The following NEO1 variants were observed in gnomAD, a reference collection of about 807,000 sequenced individuals.
NEO1 encodes the protein neogenin 1.
NEO1 carries 63 observed loss-of-function variants against 159.7 expected under a neutral mutation model. The observed-to-expected ratio is 0.39, with a 90% CI of 0.32 to 0.49. The LOEUF (loss-of-function observed/expected upper bound fraction) is 0.49. NEO1 is among the 20% of genes least tolerant of loss of function. The pLI is 0.85. For synonymous variants in NEO1, 633 were observed against 662.0 expected (o/e 0.96, Z 0.67); for missense variants, 1,615 against 1,831.0 (o/e 0.88, Z 2.15).
chr15:73,166,120 C>T (rs1467547366), intron 5 of NEO1, among the ~76,000 whole-genome samples: 1 of 152,154 alleles, frequency 6.6e-6, no homozygotes, highest in Non-Finnish European at 1.5e-5. Flanking sequence ...GCCTACCTTA[C>T]CGGTTTCTTC....
chr15:73,279,350 G>GTTTTTTTTTTT (rs1567679061), intron 22 of NEO1, among the ~76,000 whole-genome samples: 1 of 58,138 alleles, frequency 1.7e-5, no homozygotes, highest in African/African-American at 3.6e-5. Flanking sequence ...TTTTGGTTTT[G>GTTTTTTTTTTT]GTTTTTTTTT....
intron 1 of NEO1, among the ~76,000 whole-genome samples, chr15:73,076,469 A>G (rs2068770865): frequency 6.6e-6 from 1 of 152,178 alleles, no homozygotes. Context: ...CTATTTTTCC[A>G]GTGCCTAGAA....
intron 1 of NEO1, among the ~76,000 whole-genome samples, chr15:73,090,159 A>G (rs2069603266): frequency 6.6e-6 from 1 of 152,198 alleles, no homozygotes. Context: ...GAGAGAAACA[A>G]GTTGCATAAC....
chr15:73,290,198 A>G (rs2042107425), intron 25 of NEO1, among the ~76,000 whole-genome samples: 1 of 150,788 alleles, frequency 6.6e-6, no homozygotes, highest in African/African-American at 2.4e-5. Context: ...TATATTTTAG[A>G]ATAGCTTTAG....
At chr15:73,100,537 G>T (rs761036988) in intron 1 of NEO1, among the ~76,000 whole-genome samples, 2 of 152,024 alleles carry the variant, frequency 1.3e-5, no homozygotes, top group Non-Finnish European at 2.9e-5. Context: ...GTTTCGGCAT[G>T]TTGGCCAGGC....
chr15:73,101,413 G>A lies in NEO1; in HGVS notation c.131-15127G>A, dbSNP rs193139573. ...AGTATGCACGCTCTCACGCGCACGC[G>A]TGCGCACACACGCTCTCTTTCCCAC... On this transcript the variant is annotated intron_variant, in intron 1 of 28. Transcript: ENST00000261908. Among the ~76,000 whole-genome samples, 263 of 152,268 alleles carry A rather than the reference G, an allele frequency of 1.7e-3. 1 individual carries two copies. The highest frequency in any genetic ancestry group is 5.9e-3 in the African/African-American group (246 of 41,556).
intron 5 of NEO1, among the ~76,000 whole-genome samples, chr15:73,155,173 T>A (rs1250312169): frequency 6.6e-6 from 1 of 152,130 alleles, no homozygotes; most frequent in Non-Finnish European, 1.5e-5. Context: ...CATTTATGAA[T>A]CTTAATCTTG....
chr15:73,171,833 G>T (rs1261079948), intron 5 of NEO1, among the ~76,000 whole-genome samples: 2 of 151,814 alleles, frequency 1.3e-5, no homozygotes, highest in Non-Finnish European at 2.9e-5. Context: ...ATAGAGACGG[G>T]TTTTTGCCAA....
intron 15 of NEO1, 59 bp downstream of exon 15, chr15:73,260,524 T>C: frequency 4.4e-6 from 6 of 1,364,964 alleles, no homozygotes; most frequent in Non-Finnish European, 1.9e-6. Flanking sequence ...TTTTAACCTT[T>C]TATGTAATAT....
chr15:73,061,701 C>T (rs368273761), intron 1 of NEO1, among the ~76,000 whole-genome samples: 1 of 152,188 alleles, frequency 6.6e-6, no homozygotes, highest in African/African-American at 2.4e-5. Flanking sequence ...CACTCCAACC[C>T]TTCTTCCCAG....
chr15:73,183,667 G>A (rs1408956228), intron 7 of NEO1, among the ~76,000 whole-genome samples: 1 of 152,058 alleles, frequency 6.6e-6, no homozygotes, highest in East Asian at 1.9e-4. Context: ...CCTCAACCAT[G>A]AACTTTCTAC....
At chr15:73,133,107 A>G (rs1288949102) in intron 4 of NEO1, among the ~76,000 whole-genome samples, 1 of 152,194 alleles carries the variant, frequency 6.6e-6, no homozygotes, top group South Asian at 2.1e-4. Context: ...ACAATTTGCA[A>G]TTGCAAAAAT....
At chr15:73,165,123 G>A (rs1353310497) in intron 5 of NEO1, among the ~76,000 whole-genome samples, 2 of 140,724 alleles carry the variant, frequency 1.4e-5, no homozygotes, top group Non-Finnish European at 3.1e-5. Flanking sequence ...TGTAGAGATA[G>A]GGGTCTCACT....
intron 4 of NEO1, among the ~76,000 whole-genome samples, chr15:73,134,911 G>C (rs957286493): frequency 6.6e-6 from 1 of 152,082 alleles, no homozygotes; most frequent in Non-Finnish European, 1.5e-5. Flanking sequence ...ATTAAGATTT[G>C]GAAGAAAAGT....
At chr15:73,264,824 A>G (rs1279905304) in intron 15 of NEO1, among the ~76,000 whole-genome samples, 1 of 152,226 alleles carries the variant, frequency 6.6e-6, no homozygotes, top group Non-Finnish European at 1.5e-5. Flanking sequence ...TCAATCAGCA[A>G]ATATTTAATA....
In NEO1 at chr15:73,244,505, C is replaced by T. The variant is rs1012321617; in HGVS notation, c.1606+7C>T. 1 of 1,612,458 alleles carries T rather than the reference C, an allele frequency of 6.2e-7. No individual in the cohort carries two copies. The highest frequency in any genetic ancestry group is 1.7e-5 in the Admixed American group (1 of 59,926). ...GTAGAAACACAACCTGAGGGTAAGT[C>T]TTCCACCTGTCTGTCAGCACCCCCT... is the stretch of plus-strand genomic sequence containing the variant. On this transcript the variant is annotated splice_region_variant and intron_variant, in intron 9 of 28. Coordinates refer to ENST00000261908, the MANE Select transcript of NEO1 (RefSeq NM_002499.4).
At chr15:73,243,599 A>G (rs1052036114) in intron 8 of NEO1, among the ~76,000 whole-genome samples, 4 of 152,194 alleles carry the variant, frequency 2.6e-5, no homozygotes, top group African/African-American at 9.6e-5. Context: ...TGTGTTGGTC[A>G]CACAGACCCC....
chr15:73,119,039 T>C (rs1179400460), intron 2 of NEO1, among the ~76,000 whole-genome samples: 2 of 152,112 alleles, frequency 1.3e-5, no homozygotes, highest in Non-Finnish European at 2.9e-5. Context: ...TACTAGTTTG[T>C]CAGTTCCTCA....
chr15:73,232,055 G>A (rs867456966), intron 7 of NEO1, among the ~76,000 whole-genome samples: 1 of 152,092 alleles, frequency 6.6e-6, no homozygotes, highest in Admixed American at 6.5e-5. Context: ...GACTGCCTTT[G>A]TAATGACTGC....
Sources: gnomAD v4.1 joint callset for allele counts (sites outside exome capture counted in the v4.1 genomes callset) on GRCh38, gnomAD v4.1.1 for gene constraint, MANE v1.5 for transcripts, NCBI Gene and HGNC (gene_info 2026-07-23, HGNC 2026-07-21) for gene names.